SLC14A2: variants seen among roughly 807,000 people sequenced by gnomAD.
SLC14A2 encodes solute carrier family 14 member 2.
In SLC14A2, 91 loss-of-function variants were observed where a neutral mutation model predicts 104.6. The ratio of observed to expected loss-of-function variants is 0.87; its 90% CI spans 0.73 to 1.04. SLC14A2 has a LOEUF of 1.04. SLC14A2 is among the 50% of genes least tolerant of loss of function. The pLI is 0.00. For missense variants in SLC14A2, 1,189 were observed against 1,156.0 expected (o/e 1.03, Z -0.41); for synonymous variants, 476 against 466.4 (o/e 1.02, Z -0.27).
intron 2 of SLC14A2, among the ~76,000 whole-genome samples, chr18:45,568,675 G>A (rs1190744363): frequency 6.6e-6 from 1 of 152,214 alleles, no homozygotes; most frequent in Non-Finnish European, 1.5e-5. Flanking sequence ...TGCCTGATGA[G>A]CAGCCCTTTG....
chr18:45,663,781 C>T lies in SLC14A2; in HGVS notation c.1352-4C>T. On this transcript the variant is annotated splice_polypyrimidine_tract_variant and splice_region_variant and intron_variant, in intron 10 of 19. Transcript: ENST00000255226. ...CTGACCTGTCTTGTTTTGCCCCTGG[C>T]TAGGAGGCGGTGGGGAGCATCCACC... 6 of 1,611,598 alleles carry T rather than the reference C, an allele frequency of 3.7e-6. No homozygotes were observed. The highest frequency in any genetic ancestry group is 5.1e-6 in the Non-Finnish European group (6 of 1,179,436).
chr18:45,310,950 G>A (rs1312442551), intron 1 of SLC14A2, among the ~76,000 whole-genome samples: 1 of 152,168 alleles, frequency 6.6e-6, no homozygotes, highest in Non-Finnish European at 1.5e-5. Flanking sequence ...GCCTAGAGGG[G>A]CCTGGGACAA....
At chr18:45,494,915 TACACAC>T (rs58079608) in intron 2 of SLC14A2, among the ~76,000 whole-genome samples, 1 of 148,636 alleles carries the variant, frequency 6.7e-6, no homozygotes, top group African/African-American at 2.5e-5. Context: ...CACACACACA[TACACAC>T]ACACACACAC....
At chr18:45,491,402 C>T (rs1485867452) in intron 2 of SLC14A2, among the ~76,000 whole-genome samples, 1 of 152,098 alleles carries the variant, frequency 6.6e-6, no homozygotes, top group Non-Finnish European at 1.5e-5. Context: ...TGGATTCAGA[C>T]ATATGCATAA....
chr18:45,349,525 C>A (rs925932702), intron 1 of SLC14A2, among the ~76,000 whole-genome samples: 1 of 152,200 alleles, frequency 6.6e-6, no homozygotes, highest in Non-Finnish European at 1.5e-5. Flanking sequence ...AGGCAGTAGA[C>A]CAGCACATCC....
chr18:45,473,998 G>C (rs996753971), intron 1 of SLC14A2, among the ~76,000 whole-genome samples: 1 of 152,178 alleles, frequency 6.6e-6, no homozygotes, highest in African/African-American at 2.4e-5. Context: ...CATTCAGTAT[G>C]ATATTGGCTG....
intron 1 of SLC14A2, among the ~76,000 whole-genome samples, chr18:45,226,569 A>T (rs1011419767): frequency 2.3e-4 from 35 of 151,488 alleles, no homozygotes; most frequent in African/African-American, 7.0e-4. Flanking sequence ...TATCACAAGG[A>T]CAGAAAACCA....
At chr18:45,534,331 C>T (rs761940999) in intron 2 of SLC14A2, among the ~76,000 whole-genome samples, 9 of 152,128 alleles carry the variant, frequency 5.9e-5, no homozygotes, top group Admixed American at 5.9e-4. Flanking sequence ...CAAAGACTAA[C>T]TCTCAAGCAC....
chr18:45,414,757 A>AAAAATATAT (rs1360051908), intron 1 of SLC14A2, among the ~76,000 whole-genome samples: 177 of 76,042 alleles, frequency 2.3e-3, no homozygotes, highest in Non-Finnish European at 3.3e-3. Context: ...AAAAAAAAAA[A>AAAAATATAT]ATATATATAT....
intron 2 of SLC14A2, among the ~76,000 whole-genome samples, chr18:45,608,743 C>T (rs992716627): frequency 2.0e-5 from 3 of 152,228 alleles, no homozygotes; most frequent in Non-Finnish European, 4.4e-5. Flanking sequence ...AGCATGCACA[C>T]ATCCCTTAAT....
chr18:45,298,471 T>C (rs7233426), intron 1 of SLC14A2, among the ~76,000 whole-genome samples: 27,515 of 152,144 alleles, frequency 0.18, 2,931 homozygotes, highest in African/African-American at 0.29. Flanking sequence ...CTGTTTACTC[T>C]CTTCTGATCA....
chr18:45,562,094 C>T (rs2044207505), intron 2 of SLC14A2, among the ~76,000 whole-genome samples: 2 of 152,186 alleles, frequency 1.3e-5, no homozygotes, highest in South Asian at 4.1e-4. Flanking sequence ...TGTTGAGACT[C>T]CCCGTTCCAG....
Position 45,483,322 on chromosome 18 carries a change from TGTGA to T in SLC14A2, c.-35+3_-35+6del, listed in dbSNP as rs2087533248. ...CTGACAACACTGTGACCAAGGAAACTGTGAGTATGTTCTAGAACTTGCTTCTGTG... is the reference window on the plus strand; with the variant it reads ...CTGACAACACTGTGACCAAGGAAACTGTATGTTCTAGAACTTGCTTCTGTG... On this transcript the variant is annotated splice_donor_variant and splice_donor_region_variant and intron_variant, in intron 2 of 20. Coordinates refer to the SLC14A2 transcript ENST00000586448. LOFTEE classifies it low-confidence loss of function (5UTR_SPLICE). 6.6e-6 allele frequency: 1 copy of T among 152,218 alleles called. No homozygotes were observed. Among genetic ancestry groups the T allele is most frequent in the East Asian group, 1.9e-4 (1 of 5,190 alleles). 9.4% of individuals were successfully genotyped at this position (152,218 alleles called of 1,614,324 possible).
At chr18:45,543,573 T>G (rs769854037) in intron 2 of SLC14A2, among the ~76,000 whole-genome samples, 7 of 152,202 alleles carry the variant, frequency 4.6e-5, no homozygotes, top group Non-Finnish European at 8.8e-5. Flanking sequence ...CTTTCAGTAT[T>G]AAGATTCTCT....
chr18:45,518,055 C>T (rs1007047962), intron 2 of SLC14A2, among the ~76,000 whole-genome samples: 1 of 152,136 alleles, frequency 6.6e-6, no homozygotes, highest in Non-Finnish European at 1.5e-5. Flanking sequence ...ATTAACACAA[C>T]ATCTAGATTC....
At chr18:45,287,971 C>T (rs1003721973) in intron 1 of SLC14A2, among the ~76,000 whole-genome samples, 3 of 152,222 alleles carry the variant, frequency 2.0e-5, no homozygotes, top group African/African-American at 7.2e-5. Flanking sequence ...GCAGTCCTAG[C>T]TCCTTTTGTC....
intron 1 of SLC14A2, among the ~76,000 whole-genome samples, chr18:45,475,625 TATATATATATATTTAGG>T (rs1555693758): frequency 3.2e-5 from 3 of 94,558 alleles, no homozygotes; most frequent in South Asian, 7.7e-4. Context: ...TTAGGATATA[TATATATATATATTTAGG>T]ATATATATAT....
chr18:45,480,056 T>C (rs1307973552), intron 1 of SLC14A2, among the ~76,000 whole-genome samples: 2 of 152,184 alleles, frequency 1.3e-5, no homozygotes, highest in Non-Finnish European at 2.9e-5. Context: ...GCTTTCCATT[T>C]CAAAGGAAAG....
At chr18:45,610,634 G>GATT, upstream of SLC14A2, among the ~76,000 whole-genome samples, 1 of 152,182 alleles carries the variant, frequency 6.6e-6, no homozygotes, top group Admixed American at 6.5e-5. Context: ...CCTGTCTCCT[G>GATT]GTAGGTTTCA....
Sources: allele counts gnomAD v4.1 joint callset (sites outside exome capture counted in the v4.1 genomes callset), GRCh38; gene constraint gnomAD v4.1.1; transcripts MANE v1.5; gene names NCBI Gene and HGNC (gene_info 2026-07-23, HGNC 2026-07-21).